Variants in ZNF730 observed in about 807,000 individuals in gnomAD.
ZNF730 encodes zinc finger protein 730, also known as putative zinc finger protein 730.
ZNF730 carries 12 observed loss-of-function variants against 12.6 expected under a neutral mutation model. The observed-to-expected ratio is 0.95, with a 90% CI of 0.61 to 1.54. The LOEUF (loss-of-function observed/expected upper bound fraction) is 1.54, where lower values mean the gene tolerates loss of function less well. ZNF730 is among the 40% of genes most tolerant of loss of function. ZNF730 has a pLI of 0.00. For missense variants in ZNF730, 643 were observed against 583.5 expected (o/e 1.10, Z -1.05); for synonymous variants, 194 against 195.8 (o/e 0.99, Z 0.08).
chr19:23,114,566 A>C (rs571447532), upstream of ZNF730, among the ~76,000 whole-genome samples: 1 of 151,200 alleles, frequency 6.6e-6, no homozygotes, highest in Admixed American at 6.6e-5. Flanking sequence ...GTTAGCCAGG[A>C]TGGTCTCGAT....
At chr19:23,122,650 A>G (rs901430328) in intron 1 of ZNF730, among the ~76,000 whole-genome samples, 4 of 152,194 alleles carry the variant, frequency 2.6e-5, no homozygotes, top group African/African-American at 9.6e-5. Context: ...AAATAGTGGA[A>G]TCTGTAGGTG....
At chr19:23,144,096 T>A (rs1429830880) in intron 3 of ZNF730, 2 of 152,164 alleles carry the variant, frequency 1.3e-5, no homozygotes, top group Non-Finnish European at 2.9e-5. Flanking sequence ...GTTTCACTCA[T>A]TGAATATTCA....
chr19:23,124,889 C>T (rs181797785), intron 1 of ZNF730, among the ~76,000 whole-genome samples: 67 of 152,302 alleles, frequency 4.4e-4, no homozygotes, highest in African/African-American at 1.6e-3. Context: ...AGTGATATGG[C>T]TTGGCTATGT....
At chr19:23,077,744 T>G (rs753900073) in intron 1 of ZNF730, among the ~76,000 whole-genome samples, 3 of 152,016 alleles carry the variant, frequency 2.0e-5, no homozygotes, top group Non-Finnish European at 4.4e-5. Context: ...GCCCAGTCTG[T>G]GTGGGGAAAA....
intron 1 of ZNF730, among the ~76,000 whole-genome samples, chr19:23,107,073 G>GTT (rs71163445): frequency 0.013 from 1,867 of 142,866 alleles, 23 homozygotes; most frequent in Non-Finnish European, 0.018. Context: ...GCATGTTTTT[G>GTT]TTTTTTTTTT....
chr19:23,118,149 G>A (rs1260041058), intron 1 of ZNF730, among the ~76,000 whole-genome samples: 1 of 151,912 alleles, frequency 6.6e-6, no homozygotes, highest in Non-Finnish European at 1.5e-5. Context: ...GTCCTTTAGG[G>A]TACATTTTTG....
chr19:23,131,179 A>C (rs1970738708), intron 1 of ZNF730, among the ~76,000 whole-genome samples: 1 of 152,220 alleles, frequency 6.6e-6, no homozygotes, highest in African/African-American at 2.4e-5. Context: ...ATTTCTGTAA[A>C]TTATATTAAA....
chr19:23,076,451 A>G (rs1969863472), intron 1 of ZNF730, among the ~76,000 whole-genome samples: 1 of 152,174 alleles, frequency 6.6e-6, no homozygotes, highest in African/African-American at 2.4e-5. Flanking sequence ...TGGAGAAATT[A>G]CAGGGCCCTT....
chr19:23,102,206 C>T (rs963226200), intron 1 of ZNF730, among the ~76,000 whole-genome samples: 4 of 152,138 alleles, frequency 2.6e-5, no homozygotes, highest in Admixed American at 2.6e-4. Context: ...GTAACTGGGC[C>T]TTGACCACAG....
chr19:23,142,350 A>G lies in ZNF730; in HGVS notation c.227-2921A>G, dbSNP rs146749797. 2.6e-5 allele frequency among the ~76,000 whole-genome samples: 4 copies of G among 152,118 alleles called. No homozygotes were observed. In the East Asian group the frequency reaches 7.7e-4, roughly 29 times the overall value. On this transcript the variant is annotated intron_variant, in intron 3 of 3. Coordinates refer to ENST00000597761, the MANE Select transcript of ZNF730 (RefSeq NM_001277403.2). ...AGTGACTTGTAGAAAGGCAAGTTGG[A>G]TCTTGGTTTTTAAAATGTTTAATAA...
chr19:23,137,142 C>A lies in ZNF730; in HGVS notation c.226+1099C>A, dbSNP rs1482355942. On this transcript the variant is annotated intron_variant, in intron 3 of 3. Coordinates refer to ENST00000597761, the MANE Select transcript of ZNF730 (RefSeq NM_001277403.2). ...CCAAGACTGTGCCACTGCACTCCAT[C>A]CAGGGCAAGAGAGTGAGACTCTGTC... Among the ~76,000 whole-genome samples the A allele has an allele frequency of 2.0e-5, 3 of 152,098 alleles. No homozygotes were observed. The East Asian group carries it at 5.8e-4, about 29-fold the overall frequency.
chr19:23,143,581 T>G (rs1970960060), intron 3 of ZNF730: 1 of 152,378 alleles, frequency 6.6e-6, no homozygotes, highest in South Asian at 2.1e-4. Flanking sequence ...CAGGAACTGC[T>G]TTCAGCATCT....
chr19:23,095,060 C>T, intron 1 of ZNF730: 1 of 268,956 alleles, frequency 3.7e-6, no homozygotes, highest in Non-Finnish European at 6.9e-6. Flanking sequence ...GCGATTATGA[C>T]ATATGATTTT....
intron 1 of ZNF730, among the ~76,000 whole-genome samples, chr19:23,106,498 G>C (rs541174810): frequency 2.0e-5 from 3 of 152,112 alleles, no homozygotes; most frequent in Non-Finnish European, 4.4e-5. Context: ...CTATTAAAGA[G>C]GGTTGGAATG....
chr19:23,098,785 T>G (rs1466213863), intron 1 of ZNF730, among the ~76,000 whole-genome samples: 1 of 152,164 alleles, frequency 6.6e-6, no homozygotes, highest in African/African-American at 2.4e-5. Flanking sequence ...ATGTGACGGT[T>G]CTGGGTACTT....
At chr19:23,084,655 C>G (rs1970027227) in intron 1 of ZNF730, among the ~76,000 whole-genome samples, 1 of 152,194 alleles carries the variant, frequency 6.6e-6, no homozygotes, top group Admixed American at 6.5e-5. Context: ...CTGTTCCCCT[C>G]TGTGTGTCCA....
chr19:23,103,145 T>G (rs1970355184), intron 1 of ZNF730, among the ~76,000 whole-genome samples: 1 of 152,194 alleles, frequency 6.6e-6, no homozygotes, highest in Non-Finnish European at 1.5e-5. Flanking sequence ...AGAGTTGAAA[T>G]CATGAGTCAT....
chr19:23,109,493 C>G (rs1970436334), intron 1 of ZNF730, among the ~76,000 whole-genome samples: 1 of 151,894 alleles, frequency 6.6e-6, no homozygotes, highest in Admixed American at 6.6e-5. Flanking sequence ...ACTGCAGCCT[C>G]TGCCTCCAGG....
At chr19:23,090,603 G>C (rs1424153992) in intron 1 of ZNF730, among the ~76,000 whole-genome samples, 1 of 152,160 alleles carries the variant, frequency 6.6e-6, no homozygotes, top group Non-Finnish European at 1.5e-5. Context: ...GTAGCAAGGA[G>C]CCTAATGTTA....
Sources: allele counts gnomAD v4.1 joint callset (sites outside exome capture counted in the v4.1 genomes callset), GRCh38; gene constraint gnomAD v4.1.1; transcripts MANE v1.5; gene names NCBI Gene and HGNC (gene_info 2026-07-23, HGNC 2026-07-21).